The following PFKM variants were observed in gnomAD, a reference collection of about 807,000 sequenced individuals.
The protein encoded by PFKM is ATP-dependent 6-phosphofructokinase, muscle type.
In PFKM, 58 loss-of-function variants were observed where a neutral mutation model predicts 95.5. That is an observed-to-expected ratio of 0.61 (90% CI 0.49 to 0.76). The LOEUF (loss-of-function observed/expected upper bound fraction) is 0.76, where lower values mean the gene tolerates loss of function less well. Ranked by LOEUF, PFKM falls within the 30% of genes least tolerant of loss-of-function variation. The pLI is 0.00. For missense variants in PFKM, 678 were observed against 1,005.4 expected, an observed-to-expected ratio of 0.67 and a Z score of 4.40; for synonymous variants, 336 against 357.2, an observed-to-expected ratio of 0.94 and a Z score of 0.67.
At chr12:48,123,309 A>T (rs909732053) in intron 2 of PFKM, among the ~76,000 whole-genome samples, 7 of 152,218 alleles carry the variant, frequency 4.6e-5, no homozygotes, top group Non-Finnish European at 1.0e-4. Flanking sequence ...GACCAAGGTC[A>T]GTCAGGCACT....
rs928620812 is a variant in PFKM at position 48,106,299 on chromosome 12, T to C, written c.-10+162T>C. ...CAGTCTGGGCTTTTTCGCTTTCTCG[T>C]ACTCGGAATACTGTTAGTGAGCCCT... On this transcript the variant is annotated intron_variant, in intron 1 of 24. Coordinates refer to the PFKM transcript ENST00000340802. 17 of 592,442 alleles carry C rather than the reference T, an allele frequency of 2.9e-5. No individual in the cohort carries two copies. In the Admixed American group the frequency reaches 4.8e-4, roughly 17 times the overall value. The allele number at this position is 592,442 out of a possible 1,614,324, so 36.7% of individuals were successfully genotyped here. A position where few individuals can be genotyped will look rare whatever the true frequency, so the allele number is the denominator to read the frequency against.
chr12:48,143,098 C>A, intron 18 of PFKM, 152 bp downstream of exon 18: 1 of 761,528 alleles, frequency 1.3e-6, no homozygotes, highest in South Asian at 1.5e-5. Flanking sequence ...CAGGCATTCT[C>A]TGGTGTCACC....
rs140900282 is a variant in PFKM, at chr12:48,145,177, G to T, written c.2093-33G>T. 8.0e-5 allele frequency: 129 copies of T among 1,611,382 alleles called. No individual in the cohort carries two copies. The African/African-American group carries it at 1.6e-3, about 19-fold the overall frequency. On this transcript the variant is annotated intron_variant, in intron 21 of 22. Coordinates refer to ENST00000359794, the MANE Select transcript of PFKM (RefSeq NM_000289.6). The surrounding 1 kb of genome is among the most constrained non-coding windows in gnomAD (Gnocchi z 4.3). ...GCCCTCTATAGAGGCTGGTTCCCCA[G>T]TATAGAAGCTGACTGCCCATCCCTC...
chr12:48,118,662 A>G, upstream of PFKM: 1 of 759,748 alleles, frequency 1.3e-6, no homozygotes, highest in South Asian at 1.5e-5. Context: ...TGTGAAGCCC[A>G]ATTTATATGT....
upstream of PFKM, among the ~76,000 whole-genome samples, chr12:48,118,815 G>C (rs574759555): frequency 6.6e-6 from 1 of 152,264 alleles, no homozygotes; most frequent in South Asian, 2.1e-4. Context: ...TAATGTAAAT[G>C]TAAAAGAAGT....
intron 17 of PFKM, 126 bp from the exon 18 acceptor site, chr12:48,142,656 G>C: frequency 1.1e-6 from 1 of 922,340 alleles, no homozygotes. Flanking sequence ...AACTTGATGA[G>C]CTCTAAGGGC....
At chr12:48,129,220 T>C (rs1475697034) in intron 2 of PFKM, among the ~76,000 whole-genome samples, 5 of 116,338 alleles carry the variant, frequency 4.3e-5, no homozygotes, top group African/African-American at 6.9e-5. Flanking sequence ...CTTTTTTTTT[T>C]TTTTTTTTTT....
At chr12:48,113,514 G>A (rs561247563) in intron 3 of PFKM, among the ~76,000 whole-genome samples, 34 of 152,312 alleles carry the variant, frequency 2.2e-4, no homozygotes, top group East Asian at 7.7e-4. Flanking sequence ...GTGGGGTCCC[G>A]CACAGATGGG....
rs1403026809 is a variant in PFKM, at chr12:48,135,081, C to G, written c.843+43C>G. 4.9e-6 allele frequency: 7 copies of G among 1,441,712 alleles called. No individual in the cohort carries two copies. The African/African-American group carries it at 9.8e-5, about 20-fold the overall frequency. 89.3% of individuals were successfully genotyped at this position (1,441,712 alleles called of 1,614,324 possible). On this transcript the variant is annotated intron_variant, in intron 9 of 22. Transcript: ENST00000359794. ...CAGAGAGGCCTTAGAATCCATAGCC[C>G]ATTCCCTTCTGGCTTCTGAGTCTCC...
rs1427173142 is a variant in PFKM at position 48,134,947 on chromosome 12, G to C, written c.752G>C (p.Arg251Thr). The C allele has an allele frequency of 6.2e-7, 1 of 1,613,824 alleles. No homozygotes were observed. Among genetic ancestry groups the C allele is most frequent in the Admixed American group, 1.7e-5 (1 of 60,022 alleles). ...EHLCRRLSET[R>T]TRGSRLNIII... Reference sequence around the variant, plus strand: ...TTACCCTTTGTTCTCAACCAGACAAGGACCCGTGGTTCTCGTCTCAACATC... The same window carrying C: ...TTACCCTTTGTTCTCAACCAGACAACGACCCGTGGTTCTCGTCTCAACATC... The change falls in exon 9 of 23, where the codon AGG (arginine) becomes ACG (threonine). Residue 251 changes from arginine to threonine, a missense_variant. By Grantham distance (71) the Arg-to-Thr change is moderately conservative. Transcript: ENST00000359794.
intron 1 of PFKM, 121 bp from the exon 2 acceptor site, chr12:48,122,646 C>T: frequency 6.5e-7 from 1 of 1,544,148 alleles, no homozygotes; most frequent in Middle Eastern, 2.1e-4. Context: ...CTGCAAAGCT[C>T]AGACTTGGTA....
Position 48,133,491 on chromosome 12 carries a change from T to C in PFKM, c.593+11T>C. Reference sequence around the variant, plus strand: ...TACCACTGCCCAGAGGTAAGGGGACTTGGGAGGTAGGCAGTGTAAGAAGAT... The same window carrying C: ...TACCACTGCCCAGAGGTAAGGGGACCTGGGAGGTAGGCAGTGTAAGAAGAT... On this transcript the variant is annotated intron_variant, in intron 6 of 22. Transcript: ENST00000359794. 1 of 1,612,988 alleles carries C rather than the reference T, an allele frequency of 6.2e-7. No homozygotes were observed. Among genetic ancestry groups the C allele is most frequent in the African/African-American group, 1.3e-5 (1 of 75,008 alleles).
chr12:48,126,703 T>G (rs1948877379), intron 2 of PFKM, among the ~76,000 whole-genome samples: 1 of 152,192 alleles, frequency 6.6e-6, no homozygotes, highest in South Asian at 2.1e-4. Flanking sequence ...ACCTATACAT[T>G]TCAGAACAAT....
At chr12:48,126,883 G>A (rs1389935912) in intron 2 of PFKM, among the ~76,000 whole-genome samples, 1 of 152,190 alleles carries the variant, frequency 6.6e-6, no homozygotes, top group Non-Finnish European at 1.5e-5. Context: ...AAGGCTTTGT[G>A]TTGACTTTTG....
chr12:48,139,720 C>T (rs949461090), intron 12 of PFKM, 129 bp from the exon 13 acceptor site: 11 of 732,804 alleles, frequency 1.5e-5, no homozygotes, highest in African/African-American at 5.2e-5. Context: ...TGCTCTGCCC[C>T]AGTTCTGTCC....
At chr12:48,138,420 G>T (rs1950288683) in intron 11 of PFKM, among the ~76,000 whole-genome samples, 2 of 152,170 alleles carry the variant, frequency 1.3e-5, no homozygotes, top group South Asian at 4.1e-4. Context: ...GAACGTGGCG[G>T]CTGAGAGCGA....
chr12:48,106,191 C>T (rs1440170145), intron 1 of PFKM: 3 of 681,736 alleles, frequency 4.4e-6, no homozygotes, highest in Non-Finnish European at 8.1e-6. Flanking sequence ...AGTTAAGGAC[C>T]AGTGGGGCGC....
chr12:48,125,310 A>ATT (rs746672991), intron 2 of PFKM: 9 of 372,436 alleles, frequency 2.4e-5, no homozygotes, highest in East Asian at 8.3e-5. Flanking sequence ...TATCTTTTTG[A>ATT]TTTTTTTTTT....
intron 18 of PFKM, 33 bp downstream of exon 18, chr12:48,142,979 C>T (rs1335235409): frequency 1.3e-6 from 2 of 1,594,760 alleles, no homozygotes; most frequent in East Asian, 2.2e-5. Context: ...CTAGATAGCT[C>T]TCCCCTGTCT....
Sources: allele counts gnomAD v4.1 joint callset (sites outside exome capture counted in the v4.1 genomes callset), GRCh38; gene constraint gnomAD v4.1.1; non-coding constraint Gnocchi (gnomAD v3.1); transcripts MANE v1.5; gene names NCBI Gene and HGNC (gene_info 2026-07-23, HGNC 2026-07-21).